Variants in LRP4 observed in about 807,000 individuals in gnomAD.
LRP4 encodes LDL receptor related protein 4, also known as low-density lipoprotein receptor-related protein 4.
LRP4 carries 95 observed loss-of-function variants against 220.3 expected under a neutral mutation model. The ratio of observed to expected loss-of-function variants is 0.43; its 90% CI spans 0.37 to 0.51. LRP4 has a LOEUF of 0.51. LRP4 is among the 20% of genes least tolerant of loss of function. The pLI, the probability that LRP4 is intolerant of heterozygous loss-of-function variation, is 0.00. For missense variants in LRP4, 1,925 were observed against 2,567.0 expected (o/e 0.75, Z 5.40); for synonymous variants, 903 against 954.6 (o/e 0.95, Z 1.00).
intron 18 of LRP4, 117 bp from the exon 19 acceptor site, chr11:46,884,093 A>G (rs980263696): frequency 2.6e-6 from 2 of 774,788 alleles, no homozygotes; most frequent in Admixed American, 4.0e-5. Context: ...GGCTCAAAAG[A>G]TATTTTGTGA....
rs570223328 is a variant in LRP4, at chr11:46,894,761, G to T, written c.1368C>A (p.His456Gln). The T allele has an allele frequency of 6.2e-7, 1 of 1,614,134 alleles. No homozygotes were observed. The highest frequency in any genetic ancestry group is 8.5e-7 in the Non-Finnish European group (1 of 1,180,052). ...NRIDIRQVLP[H>Q]RSEYTLLLNN... Reference sequence around the variant, plus strand: ...TAAGCAGCAGTGTGTACTCAGAGCGGTGTGGCAGCACCTGCCGGATGTCGA... The same window carrying T: ...TAAGCAGCAGTGTGTACTCAGAGCGTTGTGGCAGCACCTGCCGGATGTCGA... Residue 456 changes from histidine to glutamine, a missense_variant, in exon 12 of 38, where the codon CAC (histidine) becomes CAA (glutamine). His to Gln is a conservative substitution (Grantham distance 24). Around this residue, in one of 3 missense-constraint regions of LRP4, gnomAD observed 269 missense variants for 436.7 expected, o/e 0.62. Coordinates refer to ENST00000378623, the MANE Select transcript of LRP4 (RefSeq NM_002334.4).
Position 46,873,252 on chromosome 11 carries a change from C to T in LRP4, c.4449-18G>A. On this transcript the variant is annotated intron_variant, in intron 29 of 37. Transcript: ENST00000378623. This position sits in a 1 kb window ranked among gnomAD's most constrained non-coding sequence, Gnocchi z 4.2. Reference sequence around the variant, plus strand: ...AGAGGTACCTGAGACACAACAGTGCCATCATCATCAAGGCATGGGAAGACA... The same window carrying T: ...AGAGGTACCTGAGACACAACAGTGCTATCATCATCAAGGCATGGGAAGACA... 1.2e-6 allele frequency: 2 copies of T among 1,614,138 alleles called. No homozygotes were observed. The highest frequency in any genetic ancestry group is 1.7e-6 in the Non-Finnish European group (2 of 1,180,000).
At position 46,902,804 on chromosome 11, in the gene LRP4, G is replaced by T; in HGVS notation, c.178C>A (p.His60Asn). Residue 60 changes from histidine to asparagine, a missense_variant, in exon 2 of 38, where the codon CAC (histidine) becomes AAC (asparagine). By Grantham distance (68) the His-to-Asn change is moderately conservative (BLOSUM62 1). Transcript: ENST00000378623. Reference sequence around the variant, plus strand: ...TTACTACATCCATCCTCATCGCTGTGGTCCCCGCAGTCATTGTCTCCATCA... The same window carrying T: ...TTACTACATCCATCCTCATCGCTGTTGTCCCCGCAGTCATTGTCTCCATCA... The part of the protein sequence containing the change: ...QCDGDNDCGD[H>N]SDEDGCILPT... 1 of 1,614,064 alleles carries T rather than the reference G, an allele frequency of 6.2e-7. No individual in the cohort carries two copies. The highest frequency in any genetic ancestry group is 1.3e-5 in the African/African-American group (1 of 75,030).
In LRP4 at chr11:46,859,203, C is replaced by CG; in HGVS notation, c.5497dup (p.Arg1833ProfsTer27). ...TACATGATCCCGGAGGAGGCCCCCC[C>CG]GTGAGCTTCGCAGTTGCTTGAGGTC... is the stretch of plus-strand genomic sequence containing the variant. On this transcript the variant is annotated frameshift_variant, in exon 38 of 38. Coordinates refer to ENST00000378623, the MANE Select transcript of LRP4 (RefSeq NM_002334.4). LOFTEE classifies it high-confidence loss of function. 1 of 1,614,168 alleles carries CG rather than the reference C, an allele frequency of 6.2e-7. No individual in the cohort carries two copies. The highest frequency in any genetic ancestry group is 8.5e-7 in the Non-Finnish European group (1 of 1,180,022).
At position 46,873,367 on chromosome 11, in the gene LRP4, A is replaced by G. The variant is rs774970427; in HGVS notation, c.4448+8T>C. 4 of 1,613,986 alleles carry G rather than the reference A, an allele frequency of 2.5e-6. No homozygotes were observed. The highest frequency in any genetic ancestry group is 1.6e-4 in the Middle Eastern group (1 of 6,062). On this transcript the variant is annotated splice_region_variant and intron_variant, in intron 29 of 37. Coordinates refer to ENST00000378623, the MANE Select transcript of LRP4 (RefSeq NM_002334.4). This position sits in a 1 kb window ranked among gnomAD's most constrained non-coding sequence, Gnocchi z 4.2. The stretch of plus-strand genomic sequence containing the variant: ...CCTGGATCTCTCTTCTGCTGGCCAT[A>G]AACTTACCCCTTCCTGGGGAAAACA...
Position 46,883,877 on chromosome 11 carries a change from A to G in LRP4, c.2606T>C (p.Met869Thr), listed in dbSNP as rs1408810608. The change falls in exon 19 of 38, where the codon ATG becomes ACG. Residue 869 changes from methionine to threonine, a missense_variant. Physicochemically the swap from Met to Thr is moderately conservative, Grantham distance 81 (BLOSUM62 -1). Around this residue, in one of 3 missense-constraint regions of LRP4, gnomAD observed 1,244 missense variants for 1,624.9 expected, o/e 0.77. Transcript: ENST00000378623. ...DRPRDIVVEP[M>T]GGYMYWTDWG... is the part of the protein sequence containing the mutation. ...CCAAGGGGCAGCCACTCACCCGCCC[A>G]TGGGTTCCACCACGATGTCCCGAGG... 1 of 1,613,918 alleles carries G rather than the reference A, an allele frequency of 6.2e-7. No individual in the cohort carries two copies. The highest frequency in any genetic ancestry group is 1.7e-5 in the Admixed American group (1 of 60,014).
chr11:46,896,571 T>C (rs1338798079), intron 8 of LRP4, among the ~76,000 whole-genome samples: 1 of 152,200 alleles, frequency 6.6e-6, no homozygotes, highest in African/African-American at 2.4e-5. Context: ...TGCAACCACA[T>C]GCTCAATACT....
In LRP4 at chr11:46,873,142, A is replaced by G; in HGVS notation, c.4541T>C (p.Leu1514Pro). The change falls in exon 30 of 38, where the codon CTG (leucine) becomes CCG (proline). Residue 1514 changes from leucine (L) to proline (P), a missense_variant. By Grantham distance (98) the Leu-to-Pro change is moderately conservative. Transcript: ENST00000378623. This position sits in a 1 kb window ranked among gnomAD's most constrained non-coding sequence, Gnocchi z 4.2. ...CAGGGTAAGGCCATTGGGCCAACCC[A>G]GGTCTGTGTTGATGAGGACCTTCCG... ...SERKVLINTD[L>P]GWPNGLTLDY... The G allele has an allele frequency of 6.2e-7, 1 of 1,614,228 alleles. No individual in the cohort carries two copies. Among genetic ancestry groups the G allele is most frequent in the Non-Finnish European group, 8.5e-7 (1 of 1,180,036 alleles).
At chr11:46,892,804 A>T (rs1484945509) in intron 13 of LRP4, among the ~76,000 whole-genome samples, 169 bp downstream of exon 13, 1 of 152,176 alleles carries the variant, frequency 6.6e-6, no homozygotes, top group Non-Finnish European at 1.5e-5. Context: ...TACTGACCTC[A>T]GGTGATCTGC....
chr11:46,899,015 G>C lies in LRP4; in HGVS notation c.565C>G (p.Pro189Ala). The C allele has an allele frequency of 6.2e-7, 1 of 1,613,236 alleles. No homozygotes were observed. The highest frequency in any genetic ancestry group is 8.5e-7 in the Non-Finnish European group (1 of 1,179,672). ...EENCPSAVPA[P>A]PCNLEEFQCA... ...TGGAACTCCTCCAGGTTGCAGGGGG[G>C]CGCTGGCACTGCTGAGGCTGGAGGG... Residue 189 changes from proline to alanine, a missense_variant, in exon 6 of 38, where the codon CCC (proline) becomes GCC (alanine). By Grantham distance (27) the Pro-to-Ala change is conservative (BLOSUM62 -1). Transcript: ENST00000378623. The surrounding 1 kb of genome is among the most constrained non-coding windows in gnomAD (Gnocchi z 5.9).
At chr11:46,900,590 C>T (rs983303052) in intron 2 of LRP4, among the ~76,000 whole-genome samples, 2 of 151,856 alleles carry the variant, frequency 1.3e-5, no homozygotes, top group Admixed American at 6.6e-5. Context: ...GACTCAGCCT[C>T]CCAAGTAGCT....
At chr11:46,904,101 G>C (rs1592549972) in intron 1 of LRP4, among the ~76,000 whole-genome samples, 1 of 152,184 alleles carries the variant, frequency 6.6e-6, no homozygotes, top group Non-Finnish European at 1.5e-5. Context: ...CAACCCGCTG[G>C]GCTGCTCTGC....
rs1941042512 is a variant in LRP4, at chr11:46,877,187, G to A, written c.3277+12C>T. ...GACAGAAGGCCAGGTGGGAAGAGAG[G>A]GCCATACAGACCTTCCTGGGGGTCT... On this transcript the variant is annotated intron_variant, in intron 23 of 37. Transcript: ENST00000378623. 1 of 1,613,470 alleles carries A rather than the reference G, an allele frequency of 6.2e-7. No individual in the cohort carries two copies. The highest frequency in any genetic ancestry group is 1.7e-5 in the Admixed American group (1 of 59,988).
Position 46,896,851 on chromosome 11 carries a change from C to A in LRP4, c.922+18G>T. Reference sequence around the variant, plus strand: ...CAACTATAGGCTAAGGGTTCTGGGGCACCCCGGGAGACACCACCTGTATTC... The same window carrying A: ...CAACTATAGGCTAAGGGTTCTGGGGAACCCCGGGAGACACCACCTGTATTC... On this transcript the variant is annotated intron_variant, in intron 8 of 37. Transcript: ENST00000378623. 6.2e-7 allele frequency: 1 copy of A among 1,614,092 alleles called. No individual in the cohort carries two copies. Among genetic ancestry groups the A allele is most frequent in the Non-Finnish European group, 8.5e-7 (1 of 1,179,936 alleles).
chr11:46,880,133 A>C (rs900625218), intron 20 of LRP4, among the ~76,000 whole-genome samples: 8 of 152,002 alleles, frequency 5.3e-5, no homozygotes, highest in Non-Finnish European at 1.0e-4. Context: ...CAAAAAATGC[A>C]AATGTCAATA....
chr11:46,868,227 A>G, intron 33 of LRP4, 113 bp from the exon 34 acceptor site: 1 of 1,253,338 alleles, frequency 8.0e-7, no homozygotes, highest in Non-Finnish European at 1.1e-6. Flanking sequence ...CCCTAGTCCC[A>G]GGCACCTTCA....
chr11:46,862,521 G>C (rs1940585296), intron 37 of LRP4, 85 bp downstream of exon 37: 1 of 1,335,038 alleles, frequency 7.5e-7, no homozygotes, highest in Non-Finnish European at 1.1e-6. Context: ...CTCAGCAGCC[G>C]TTACTGACTT....
At chr11:46,889,697 AG>A (rs1212683747) in intron 15 of LRP4, 164 bp from the exon 16 acceptor site, 2 of 941,946 alleles carry the variant, frequency 2.1e-6, no homozygotes, top group African/African-American at 3.2e-5. Context: ...TACCCGGCAC[AG>A]AGGAGATGCC....
chr11:46,889,536 G>A lies in LRP4; in HGVS notation c.2093-3C>T, dbSNP rs762764058. Reference sequence around the variant, plus strand: ...GTTGTCCCCACAGCGGTTTTTCCCTGCTCAAAGAGCCCAGGGCAAGAGGAT... The same window carrying A: ...GTTGTCCCCACAGCGGTTTTTCCCTACTCAAAGAGCCCAGGGCAAGAGGAT... On this transcript the variant is annotated splice_polypyrimidine_tract_variant and splice_region_variant and intron_variant, in intron 15 of 37. Coordinates refer to ENST00000378623, the MANE Select transcript of LRP4 (RefSeq NM_002334.4). 6.2e-7 allele frequency: 1 copy of A among 1,613,506 alleles called. No individual in the cohort carries two copies. Among genetic ancestry groups the A allele is most frequent in the South Asian group, 1.1e-5 (1 of 91,086 alleles).
Sources: allele counts gnomAD v4.1 joint callset (sites outside exome capture counted in the v4.1 genomes callset), GRCh38; gene constraint gnomAD v4.1.1; regional missense constraint gnomAD v4.1.1; non-coding constraint Gnocchi (gnomAD v3.1); transcripts MANE v1.5; gene names NCBI Gene and HGNC (gene_info 2026-07-23, HGNC 2026-07-21).